Variants in FREM3 observed in about 807,000 individuals in gnomAD.
The protein encoded by FREM3 is FRAS1 related extracellular matrix 3, also known as FRAS1-related extracellular matrix protein 3.
FREM3 carries 105 observed loss-of-function variants against 129.1 expected under a neutral mutation model. That is an observed-to-expected ratio of 0.81 (90% confidence interval 0.69 to 0.96). The LOEUF is 0.96. FREM3 is among the 40% of genes least tolerant of loss of function. FREM3 has a pLI of 0.00. For synonymous variants in FREM3, 1,014 were observed against 1,044.9 expected (o/e 0.97, Z 0.57); for missense variants, 2,593 against 2,666.3 (o/e 0.97, Z 0.61).
At chr4:143,597,432 T>G (rs764136344) in intron 6 of FREM3, among the ~76,000 whole-genome samples, 3 of 152,196 alleles carry the variant, frequency 2.0e-5, no homozygotes, top group Non-Finnish European at 4.4e-5. Context: ...ATAAACACAG[T>G]TTTTATGCCA....
At chr4:143,690,815 A>G (rs891751430) in intron 2 of FREM3, among the ~76,000 whole-genome samples, 4 of 152,202 alleles carry the variant, frequency 2.6e-5, no homozygotes, top group Non-Finnish European at 5.9e-5. Flanking sequence ...AACAGCAGAC[A>G]TGGATCTTAG....
At chr4:143,584,655 AC>A (rs1416516091) in intron 7 of FREM3, among the ~76,000 whole-genome samples, 1 of 152,194 alleles carries the variant, frequency 6.6e-6, no homozygotes, top group Non-Finnish European at 1.5e-5. Context: ...CTATGAAGAG[AC>A]TTAGATAACC....
rs191956169 is a variant in FREM3 at position 143,692,103 on chromosome 4, T to A, written c.5275+1010A>T. Among the ~76,000 whole-genome samples, 367 of 152,246 alleles carry A rather than the reference T, an allele frequency of 2.4e-3. 2 individuals carry two copies. The highest frequency in any genetic ancestry group is 6.8e-3 in the African/African-American group (281 of 41,548). ...CACCTATCTTTAAATTAATTTTTTT[T>A]AAAAAGAACAAGAATCAGGTGAAAG... On this transcript the variant is annotated intron_variant, in intron 2 of 7. Transcript: ENST00000329798.
intron 5 of FREM3, among the ~76,000 whole-genome samples, chr4:143,617,933 T>G (rs1349386864): frequency 6.6e-6 from 1 of 152,186 alleles, no homozygotes; most frequent in African/African-American, 2.4e-5. Context: ...AAGCTGGGCT[T>G]CTTCTGGTAT....
intron 2 of FREM3, among the ~76,000 whole-genome samples, chr4:143,642,921 A>G (rs1362571666): frequency 6.6e-6 from 1 of 152,208 alleles, no homozygotes; most frequent in Non-Finnish European, 1.5e-5. Context: ...AAAAAAACAC[A>G]AACAAACAAA....
intron 2 of FREM3, among the ~76,000 whole-genome samples, chr4:143,638,006 A>C (rs1035992764): frequency 6.6e-6 from 1 of 152,102 alleles, no homozygotes; most frequent in Non-Finnish European, 1.5e-5. Context: ...GATGTACCCA[A>C]ACTGTCTTGA....
At chr4:143,667,779 C>G (rs1186607287) in intron 2 of FREM3, among the ~76,000 whole-genome samples, 2 of 152,202 alleles carry the variant, frequency 1.3e-5, no homozygotes, top group Non-Finnish European at 2.9e-5. Context: ...CCTTGAAACT[C>G]ATTGTGTGAA....
intron 2 of FREM3, among the ~76,000 whole-genome samples, chr4:143,663,585 G>A (rs1023951096): frequency 6.6e-6 from 1 of 152,050 alleles, no homozygotes; most frequent in Admixed American, 6.6e-5. Flanking sequence ...TTCTCGAGGC[G>A]TATCTTTGTG....
intron 2 of FREM3, among the ~76,000 whole-genome samples, chr4:143,680,565 C>T (rs972141061): frequency 6.6e-6 from 1 of 152,026 alleles, no homozygotes; most frequent in African/African-American, 2.4e-5. Context: ...ATTTTTACCT[C>T]ATCTGTATTT....
At chr4:143,637,197 T>A (rs1739246555) in intron 2 of FREM3, among the ~76,000 whole-genome samples, 1 of 152,224 alleles carries the variant, frequency 6.6e-6, no homozygotes, top group Non-Finnish European at 1.5e-5. Flanking sequence ...TGTGTTACTC[T>A]GACTTGTGAC....
chr4:143,588,099 G>T (rs1033848085), intron 6 of FREM3, among the ~76,000 whole-genome samples: 68 of 152,260 alleles, frequency 4.5e-4, no homozygotes, highest in African/African-American at 1.3e-3. Context: ...GGCAGAGCCA[G>T]ATCCCAGTTC....
Position 143,699,545 on chromosome 4 carries a change from G to C in FREM3, c.1131C>G (p.Phe377Leu), listed in dbSNP as rs1350687739. 14 of 1,537,196 alleles carry C rather than the reference G, an allele frequency of 9.1e-6. No homozygotes were observed. Among genetic ancestry groups the C allele is most frequent in the Non-Finnish European group, 1.0e-5 (12 of 1,146,878 alleles). ...DDPLGLPVSF[F>L]TQQELRELKI... is the part of the protein sequence containing the mutation. ...TCAGCTCCCTCAGCTCCTGCTGGGT[G>C]AAGAAGGAGACTGGAAGCCCTAGAG... Residue 377 changes from phenylalanine (F) to leucine (L), a missense_variant, in exon 1 of 8, where the codon TTC (phenylalanine) becomes TTG (leucine). This residue lies in a region of FREM3 where 2,276 missense variants were observed against 2,267.2 expected (regional missense o/e 1.00). Transcript: ENST00000329798. This position sits in a 1 kb window ranked among gnomAD's most constrained non-coding sequence, Gnocchi z 4.2.
intron 2 of FREM3, among the ~76,000 whole-genome samples, chr4:143,670,811 CT>C (rs1389937367): frequency 6.6e-6 from 1 of 151,840 alleles, no homozygotes; most frequent in African/African-American, 2.4e-5. Flanking sequence ...TATATCAGAG[CT>C]TTCTTAGGTT....
chr4:143,615,666 CA>C (rs1738829596), intron 5 of FREM3, among the ~76,000 whole-genome samples: 1 of 150,470 alleles, frequency 6.6e-6, no homozygotes, highest in African/African-American at 2.5e-5. Context: ...TTTCTGTTCT[CA>C]TAGGGAATAT....
chr4:143,675,122 T>G (rs1358973116), intron 2 of FREM3, among the ~76,000 whole-genome samples: 4 of 152,156 alleles, frequency 2.6e-5, no homozygotes, highest in Admixed American at 6.5e-5. Flanking sequence ...TATTCCAAAA[T>G]TGACCACATA....
chr4:143,689,251 C>T (rs1380275349), intron 2 of FREM3, among the ~76,000 whole-genome samples: 2 of 151,970 alleles, frequency 1.3e-5, no homozygotes, highest in African/African-American at 4.8e-5. Context: ...AGAAGATATA[C>T]AAATGACCAA....
At chr4:143,640,824 G>C in intron 2 of FREM3, among the ~76,000 whole-genome samples, 1 of 152,038 alleles carries the variant, frequency 6.6e-6, no homozygotes, top group East Asian at 1.9e-4. Flanking sequence ...TTTAAGTTAT[G>C]AGGGTCTTAT....
intron 2 of FREM3, among the ~76,000 whole-genome samples, chr4:143,633,170 ACGGTCAT>A (rs1278076132): frequency 4.6e-5 from 7 of 152,168 alleles, no homozygotes; most frequent in Non-Finnish European, 8.8e-5. Context: ...CCTAGTGGCA[ACGGTCAT>A]CCACAGAGTG....
At chr4:143,665,123 C>G (rs922857792) in intron 2 of FREM3, among the ~76,000 whole-genome samples, 3 of 152,122 alleles carry the variant, frequency 2.0e-5, no homozygotes, top group Admixed American at 1.3e-4. Flanking sequence ...CTGGCACTCC[C>G]TAGTGAGATG....
Sources: allele counts gnomAD v4.1 joint callset (sites outside exome capture counted in the v4.1 genomes callset), GRCh38; gene constraint gnomAD v4.1.1; regional missense constraint gnomAD v4.1.1; non-coding constraint Gnocchi (gnomAD v3.1); transcripts MANE v1.5; gene names NCBI Gene and HGNC (gene_info 2026-07-23, HGNC 2026-07-21).